The following NLGN1 variants were observed in gnomAD, a reference collection of about 807,000 sequenced individuals.
The protein encoded by NLGN1 is neuroligin 1.
Under a neutral mutation model 65.5 loss-of-function variants are expected in NLGN1, and 12 were observed. That is an observed-to-expected ratio of 0.18 (90% CI 0.12 to 0.30). The LOEUF (loss-of-function observed/expected upper bound fraction) is 0.30. NLGN1 is among the 10% of genes least tolerant of loss of function. The pLI, the probability that NLGN1 is intolerant of heterozygous loss-of-function variation, is 1.00. For synonymous variants in NLGN1, 350 were observed against 359.5 expected, an observed-to-expected ratio of 0.97 and a Z score of 0.30; for missense variants, 750 against 1,007.1, an observed-to-expected ratio of 0.74 and a Z score of 3.46.
intron 2 of NLGN1, among the ~76,000 whole-genome samples, chr3:173,467,311 A>G (rs924487223): frequency 2.6e-5 from 4 of 152,064 alleles, no homozygotes; most frequent in Non-Finnish European, 4.4e-5. Flanking sequence ...ATAGTAATTT[A>G]CATTGCTTCC....
intron 3 of NLGN1, among the ~76,000 whole-genome samples, chr3:173,614,329 A>G (rs1752734992): frequency 6.6e-6 from 1 of 152,022 alleles, no homozygotes; most frequent in Non-Finnish European, 1.5e-5. Context: ...AGGAAGAGGG[A>G]TCCCTGGTTA....
chr3:174,137,238 T>C (rs1002321451), intron 4 of NLGN1, among the ~76,000 whole-genome samples: 1 of 152,160 alleles, frequency 6.6e-6, no homozygotes, highest in African/African-American at 2.4e-5. Context: ...TCCTGAAATA[T>C]GTTTCTATGT....
chr3:173,965,293 T>TC (rs1395078886), intron 4 of NLGN1, among the ~76,000 whole-genome samples: 1 of 152,002 alleles, frequency 6.6e-6, no homozygotes, highest in Non-Finnish European at 1.5e-5. Context: ...TTCCTTTTTT[T>TC]CCCCTAGAAC....
rs571557884 is a variant in NLGN1, at chr3:173,852,425, A to G, written c.646+44593A>G. On this transcript the variant is annotated intron_variant, in intron 4 of 6. Coordinates refer to ENST00000457714, the Ensembl canonical transcript of NLGN1. ...TTTAGATTGGAAAATAAAAGCTGCC[A>G]TGGAATGCCCCAATAGGAGTAAAAT... 3.0e-4 allele frequency among the ~76,000 whole-genome samples: 45 copies of G among 149,974 alleles called. 1 individual carries two copies. Among genetic ancestry groups the G allele is most frequent in the African/African-American group, 1.0e-3 (43 of 41,072 alleles).
At chr3:174,153,875 G>C (rs1268668771) in intron 4 of NLGN1, among the ~76,000 whole-genome samples, 2 of 151,982 alleles carry the variant, frequency 1.3e-5, no homozygotes, top group African/African-American at 2.4e-5. Flanking sequence ...CCTGTGCTTT[G>C]AGTGAATTCA....
chr3:173,995,251 G>A (rs1274296265), intron 4 of NLGN1, among the ~76,000 whole-genome samples: 1 of 152,184 alleles, frequency 6.6e-6, no homozygotes, highest in Non-Finnish European at 1.5e-5. Context: ...GGGGCCTCAA[G>A]CCTAGTGAAC....
At chr3:174,135,164 C>T (rs534610265) in intron 4 of NLGN1, among the ~76,000 whole-genome samples, 1 of 152,198 alleles carries the variant, frequency 6.6e-6, no homozygotes, top group African/African-American at 2.4e-5. Flanking sequence ...CCTAAATTAA[C>T]CATTATTGAG....
At chr3:174,266,646 A>G (rs987136185) in intron 4 of NLGN1, among the ~76,000 whole-genome samples, 1 of 152,202 alleles carries the variant, frequency 6.6e-6, no homozygotes, top group Non-Finnish European at 1.5e-5. Context: ...TGCTTTCTAC[A>G]GTAGCTGAAC....
intron 3 of NLGN1, among the ~76,000 whole-genome samples, chr3:173,683,781 G>A (rs1378260701): frequency 6.6e-6 from 1 of 152,068 alleles, no homozygotes; most frequent in Non-Finnish European, 1.5e-5. Context: ...GGTGGGTCAG[G>A]TATAGTGCTT....
At chr3:173,786,551 TACACAC>T (rs71635772) in intron 3 of NLGN1, among the ~76,000 whole-genome samples, 21,061 of 151,010 alleles carry the variant, frequency 0.14, 2,045 homozygotes, top group African/African-American at 0.29. Flanking sequence ...ATGTGTGTAA[TACACAC>T]ACACACACAC....
At chr3:174,207,806 A>G (rs1356397129) in intron 4 of NLGN1, among the ~76,000 whole-genome samples, 1 of 152,254 alleles carries the variant, frequency 6.6e-6, no homozygotes, top group African/African-American at 2.4e-5. Context: ...TGTCAAGCAC[A>G]GAAATTTGCA....
In NLGN1 at chr3:173,495,079, T is replaced by C. The variant is rs188315062; in HGVS notation, c.-321+60001T>C. Among the ~76,000 whole-genome samples, 430 of 151,988 alleles carry C rather than the reference T, an allele frequency of 2.8e-3. 4 individuals are homozygous for C. The highest frequency in any genetic ancestry group is 5.0e-3 in the Non-Finnish European group (337 of 67,956). ...GAGTTATTAAGTTTTGTTGAATCTT[T>C]TGTAATTTGAGGATCATTACTATAT... On this transcript the variant is annotated intron_variant, in intron 2 of 6. Transcript: ENST00000457714.
chr3:173,643,674 T>C (rs1757758400), intron 3 of NLGN1, among the ~76,000 whole-genome samples: 1 of 152,118 alleles, frequency 6.6e-6, no homozygotes. Flanking sequence ...TTGGGCATAC[T>C]GGGGAAAAAA....
chr3:173,849,754 C>T (rs956103783), intron 4 of NLGN1, among the ~76,000 whole-genome samples: 3 of 152,190 alleles, frequency 2.0e-5, no homozygotes, highest in Admixed American at 1.3e-4. Context: ...ATCTGAGGCT[C>T]TTCATAAATA....
intron 3 of NLGN1, among the ~76,000 whole-genome samples, chr3:173,698,438 C>G (rs756363422): frequency 6.6e-6 from 1 of 152,104 alleles, no homozygotes; most frequent in Non-Finnish European, 1.5e-5. Flanking sequence ...GGCTTCTGGT[C>G]GTCTGATGCA....
At chr3:174,103,847 A>G (rs1713123374) in intron 4 of NLGN1, among the ~76,000 whole-genome samples, 1 of 152,076 alleles carries the variant, frequency 6.6e-6, no homozygotes, top group African/African-American at 2.4e-5. Context: ...GCCAGAGCAT[A>G]TAAAATTTTT....
intron 4 of NLGN1, among the ~76,000 whole-genome samples, chr3:174,085,214 ATGTT>A (rs1055666033): frequency 6.6e-6 from 1 of 151,986 alleles, no homozygotes; most frequent in African/African-American, 2.4e-5. Flanking sequence ...TCTTTACTGT[ATGTT>A]TGAAAATTTT....
At chr3:173,676,730 C>G (rs1396336938) in intron 3 of NLGN1, among the ~76,000 whole-genome samples, 1 of 151,946 alleles carries the variant, frequency 6.6e-6, no homozygotes, top group East Asian at 1.9e-4. Context: ...TGAAAAATGC[C>G]TAAACTTCCA....
At chr3:174,217,854 A>T (rs1156636256) in intron 4 of NLGN1, among the ~76,000 whole-genome samples, 1 of 152,050 alleles carries the variant, frequency 6.6e-6, no homozygotes, top group Admixed American at 6.6e-5. Context: ...TACATACATC[A>T]GGCATTGGAG....
Sources: gnomAD v4.1 joint callset for allele counts (sites outside exome capture counted in the v4.1 genomes callset) on GRCh38, gnomAD v4.1.1 for gene constraint, MANE v1.5 for transcripts, NCBI Gene and HGNC (gene_info 2026-07-23, HGNC 2026-07-21) for gene names.